Variants in MLNR observed in about 807,000 individuals in gnomAD.
MLNR encodes motilin receptor.
A neutral mutation model predicts 20.0 loss-of-function variants in MLNR; 16 were observed. That is an observed-to-expected ratio of 0.80 (90% CI 0.54 to 1.22). The LOEUF is 1.22. MLNR is among the 50% of genes most tolerant of loss of function. The probability of loss-of-function intolerance (pLI) is 0.00; values close to 1 mark genes in which losing one functional copy is unlikely to be tolerated. For missense variants in MLNR, 630 were observed against 592.3 expected (o/e 1.06, Z -0.66); for synonymous variants, 302 against 287.2 (o/e 1.05, Z -0.52).
At position 49,221,229 on chromosome 13, in the gene MLNR, C is replaced by T; in HGVS notation, c.892C>T (p.Arg298Cys). 1 of 1,575,080 alleles carries T rather than the reference C, an allele frequency of 6.3e-7. No individual in the cohort carries two copies. The highest frequency in any genetic ancestry group is 8.6e-7 in the Non-Finnish European group (1 of 1,168,900). Residue 298 changes from arginine to cysteine, a missense_variant, in exon 1 of 2, where the codon CGC becomes TGC. Transcript: ENST00000218721. ...GGAGAGAGGCCACCGGCAGACCGTC[C>T]GCGTCCTGCGTAAGTGGAGCCGCCG... is the stretch of plus-strand genomic sequence containing the variant. ...GRERGHRQTVRVLLVVVLAFI... is the reference protein window; with the variant it reads ...GRERGHRQTVCVLLVVVLAFI...
At position 49,220,475 on chromosome 13, in the gene MLNR, G is replaced by A. The variant is rs1361682129; in HGVS notation, c.138G>A (p.Leu46=). The A allele has an allele frequency of 6.3e-7, 1 of 1,582,282 alleles. No homozygotes were observed. The part of the protein sequence containing the change: ...GALVPVTAVC[L]CLFVVGVSGN... The stretch of plus-strand genomic sequence containing the variant: ...TGGTGCCGGTGACCGCTGTGTGCCT[G>A]TGCCTGTTCGTCGTCGGGGTGAGCG... The change falls in exon 1 of 2, where the codon CTG becomes CTA. Residue 46 remains leucine, a synonymous_variant. Transcript: ENST00000218721. The surrounding 1 kb of genome is among the most constrained non-coding windows in gnomAD (Gnocchi z 4.4).
In MLNR at chr13:49,220,888, G is replaced by A; in HGVS notation, c.551G>A (p.Gly184Asp). ...LFLVGVEQDP[G>D]ISVVPGLNGT... ...CTGGTGGGCGTCGAGCAGGACCCCG[G>A]CATCTCCGTAGTCCCGGGCCTCAAT... The change falls in exon 1 of 2, where the codon GGC becomes GAC. Residue 184 changes from glycine to aspartate, a missense_variant. Transcript: ENST00000218721. The surrounding 1 kb of genome is among the most constrained non-coding windows in gnomAD (Gnocchi z 4.4). 1 of 1,566,068 alleles carries A rather than the reference G, an allele frequency of 6.4e-7. No homozygotes were observed. The highest frequency in any genetic ancestry group is 8.6e-7 in the Non-Finnish European group (1 of 1,158,108).
rs748172685 is a variant in MLNR, at chr13:49,220,934, C to G, written c.597C>G (p.Ser199=). Residue 199 remains serine (S), a synonymous_variant, in exon 1 of 2, where the codon TCC becomes TCG. Coordinates refer to ENST00000218721, the MANE Select transcript of MLNR (RefSeq NM_001507.1). The surrounding 1 kb of genome is among the most constrained non-coding windows in gnomAD (Gnocchi z 4.4). ...PGLNGTARIA[S]SPLASSPPLW... is the part of the protein sequence containing the mutation. The stretch of plus-strand genomic sequence containing the variant: ...TCAATGGCACCGCGCGGATCGCCTC[C>G]TCGCCTCTCGCCTCGTCGCCGCCTC... 4 of 1,519,378 alleles carry G rather than the reference C, an allele frequency of 2.6e-6. No individual in the cohort carries two copies. Among genetic ancestry groups the G allele is most frequent in the African/African-American group, 3.0e-5 (2 of 67,130 alleles). The allele number at this position is 1,519,378 out of a possible 1,614,324, so 94.1% of individuals were successfully genotyped here.
In MLNR at chr13:49,220,482, T is replaced by A; in HGVS notation, c.145T>A (p.Phe49Ile). The A allele has an allele frequency of 1.9e-6, 3 of 1,587,830 alleles. No individual in the cohort carries two copies. Among genetic ancestry groups the A allele is most frequent in the Non-Finnish European group, 2.6e-6 (3 of 1,168,390 alleles). ...VPVTAVCLCLFVVGVSGNVVT... is the reference protein window; with the variant it reads ...VPVTAVCLCLIVVGVSGNVVT... ...GGTGACCGCTGTGTGCCTGTGCCTGTTCGTCGTCGGGGTGAGCGGCAACGT... is the reference window on the plus strand; with the variant it reads ...GGTGACCGCTGTGTGCCTGTGCCTGATCGTCGTCGGGGTGAGCGGCAACGT... The change falls in exon 1 of 2, where the codon TTC becomes ATC. Residue 49 changes from phenylalanine to isoleucine, a missense_variant. Coordinates refer to ENST00000218721, the MANE Select transcript of MLNR (RefSeq NM_001507.1). This position sits in a 1 kb window ranked among gnomAD's most constrained non-coding sequence, Gnocchi z 4.4.
chr13:49,221,797 G>T (rs943880046), intron 1 of MLNR, among the ~76,000 whole-genome samples: 2 of 152,222 alleles, frequency 1.3e-5, no homozygotes, highest in African/African-American at 4.8e-5. Context: ...CAGAGAAATT[G>T]CTCCTTCTGG....
intron 1 of MLNR, chr13:49,221,447 C>T: frequency 1.7e-6 from 1 of 578,638 alleles, no homozygotes. Flanking sequence ...TGGGGGACCC[C>T]AGGGCGCTTT....
In MLNR at chr13:49,222,256, G is replaced by A; in HGVS notation, c.1118G>A (p.Arg373Lys). 7 of 1,614,052 alleles carry A rather than the reference G, an allele frequency of 4.3e-6. No homozygotes were observed. The highest frequency in any genetic ancestry group is 5.9e-6 in the Non-Finnish European group (7 of 1,180,028). The change falls in exon 2 of 2, where the codon AGG becomes AAG. Residue 373 changes from arginine (R) to lysine (K), a missense_variant. Transcript: ENST00000218721. ...GCGGCCTTTAAACTGCTGCTCGCAA[G>A]GAAGTCCAGGCCGAGAGGCTTCCAC... ...RAAAFKLLLA[R>K]KSRPRGFHRS...
In MLNR at chr13:49,220,456, C is replaced by G. The variant is rs1448199290; in HGVS notation, c.119C>G (p.Pro40Arg). The G allele has an allele frequency of 3.8e-6, 6 of 1,561,718 alleles. No individual in the cohort carries two copies. The highest frequency in any genetic ancestry group is 1.2e-5 in the South Asian group (1 of 85,534). ...CCCTTTCCCCTGGGGGCGCTGGTGCCGGTGACCGCTGTGTGCCTGTGCCTG... is the reference window on the plus strand; with the variant it reads ...CCCTTTCCCCTGGGGGCGCTGGTGCGGGTGACCGCTGTGTGCCTGTGCCTG... ...CSPFPLGALV[P>R]VTAVCLCLFV... is the part of the protein sequence containing the mutation. Residue 40 changes from proline to arginine, a missense_variant, in exon 1 of 2, where the codon CCG (proline) becomes CGG (arginine). Pro to Arg is a moderately radical substitution (Grantham distance 103, BLOSUM62 -2). Transcript: ENST00000218721. The surrounding 1 kb of genome is among the most constrained non-coding windows in gnomAD (Gnocchi z 4.4).
chr13:49,220,436 T>TC lies in MLNR; in HGVS notation c.103dup (p.Leu35ProfsTer303). Reference sequence around the variant, plus strand: ...GCGACGAGCGCCGCTGCTCGCCCTTTCCCCTGGGGGCGCTGGTGCCGGTGA... The same window carrying TC: ...GCGACGAGCGCCGCTGCTCGCCCTTTCCCCCTGGGGGCGCTGGTGCCGGTGA... On this transcript the variant is annotated frameshift_variant, in exon 1 of 2. Coordinates refer to ENST00000218721, the MANE Select transcript of MLNR (RefSeq NM_001507.1). LOFTEE classifies it high-confidence loss of function. This position sits in a 1 kb window ranked among gnomAD's most constrained non-coding sequence, Gnocchi z 4.4. 1 of 1,544,854 alleles carries TC rather than the reference T, an allele frequency of 6.5e-7. No individual in the cohort carries two copies. The highest frequency in any genetic ancestry group is 8.7e-7 in the Non-Finnish European group (1 of 1,149,646).
Position 49,220,955 on chromosome 13 carries a change from G to A in MLNR, c.618G>A (p.Pro206=). 2 of 1,505,666 alleles carry A rather than the reference G, an allele frequency of 1.3e-6. No homozygotes were observed. Among genetic ancestry groups the A allele is most frequent in the South Asian group, 1.3e-5 (1 of 79,972 alleles). The allele number at this position is 1,505,666 out of a possible 1,614,324, so 93.3% of individuals were successfully genotyped here. ...RIASSPLASS[P]PLWLSRAPPP... is the part of the protein sequence containing the mutation. ...CCTCCTCGCCTCTCGCCTCGTCGCC[G>A]CCTCTCTGGCTCTCGCGGGCGCCAC... The change falls in exon 1 of 2, where the codon CCG becomes CCA. Residue 206 remains proline (P), a synonymous_variant. Transcript: ENST00000218721. This position sits in a 1 kb window ranked among gnomAD's most constrained non-coding sequence, Gnocchi z 4.4.
In MLNR at chr13:49,221,161, G is replaced by A. The variant is rs1271634946; in HGVS notation, c.824G>A (p.Trp275Ter). ...TACGGGCTCATCGGGCGGGAGCTGT[G>A]GAGCAGCCGGCGGCCGCTGCGAGGC... ...ILYGLIGREL[W>*]SSRRPLRGPA... Residue 275 changes from tryptophan (W) to a stop codon, truncating the protein, a stop_gained, in exon 1 of 2, where the codon TGG (tryptophan) becomes TAG (stop). Coordinates refer to ENST00000218721, the MANE Select transcript of MLNR (RefSeq NM_001507.1). LOFTEE classifies it high-confidence loss of function. The A allele has an allele frequency of 1.3e-6, 2 of 1,589,326 alleles. No individual in the cohort carries two copies. The highest frequency in any genetic ancestry group is 1.7e-6 in the Non-Finnish European group (2 of 1,176,344).
In MLNR at chr13:49,221,011, C is replaced by A. The variant is rs1282481414; in HGVS notation, c.674C>A (p.Ala225Glu). 10 of 1,533,088 alleles carry A rather than the reference C, an allele frequency of 6.5e-6. No homozygotes were observed. The South Asian group carries it at 1.2e-4, about 19-fold the overall frequency. 95.0% of individuals were successfully genotyped at this position (1,533,088 alleles called of 1,614,324 possible). A position where few individuals can be genotyped will look rare whatever the true frequency, so the allele number is the denominator to read the frequency against. Reference protein sequence around the residue: ...PPSPPSGPETAEAAALFSREC... With the variant: ...PPSPPSGPETEEAAALFSREC... ...TCCCCGCCGTCGGGGCCCGAGACCG[C>A]GGAGGCCGCGGCGCTGTTCAGCCGC... is the stretch of plus-strand genomic sequence containing the variant. The change falls in exon 1 of 2, where the codon GCG becomes GAG. Residue 225 changes from alanine to glutamate, a missense_variant. Physicochemically the swap from Ala to Glu is moderately radical, Grantham distance 107. Transcript: ENST00000218721.
chr13:49,222,318 A>G lies in MLNR; in HGVS notation c.1180A>G (p.Thr394Ala). 1 of 1,613,898 alleles carries G rather than the reference A, an allele frequency of 6.2e-7. No individual in the cohort carries two copies. Among genetic ancestry groups the G allele is most frequent in the Non-Finnish European group, 8.5e-7 (1 of 1,179,988 alleles). The change falls in exon 2 of 2, where the codon ACT (threonine) becomes GCT (alanine). Residue 394 changes from threonine (T) to alanine (A), a missense_variant. Transcript: ENST00000218721. ...RDTAGEVAGDTGGDTVGYTET... is the reference protein window; with the variant it reads ...RDTAGEVAGDAGGDTVGYTET... ...CACTGCGGGGGAAGTTGCAGGGGAC[A>G]CTGGAGGAGACACGGTGGGCTACAC...
chr13:49,220,539 G>C lies in MLNR; in HGVS notation c.202G>C (p.Asp68His), dbSNP rs1337017695. The change falls in exon 1 of 2, where the codon GAC (aspartate) becomes CAC (histidine). Residue 68 changes from aspartate (D) to histidine (H), a missense_variant. By Grantham distance (81) the Asp-to-His change is moderately conservative. Transcript: ENST00000218721. The surrounding 1 kb of genome is among the most constrained non-coding windows in gnomAD (Gnocchi z 4.4). ...CGTGATGCTGATCGGGCGCTACCGG[G>C]ACATGCGGACCACCACCAACTTGTA... is the stretch of plus-strand genomic sequence containing the variant. ...VTVMLIGRYR[D>H]MRTTTNLYLG... The C allele has an allele frequency of 1.9e-6, 3 of 1,611,816 alleles. No individual in the cohort carries two copies. The highest frequency in any genetic ancestry group is 1.7e-5 in the Admixed American group (1 of 59,878).
chr13:49,221,942 G>T lies in MLNR; in HGVS notation c.902-98G>T, dbSNP rs900889250. 4 of 1,083,694 alleles carry T rather than the reference G, an allele frequency of 3.7e-6. No homozygotes were observed. The Admixed American group carries it at 7.1e-5, about 19-fold the overall frequency. 67.1% of individuals were successfully genotyped at this position (1,083,694 alleles called of 1,614,324 possible). Reference sequence around the variant, plus strand: ...GTAGAAGTTTTCTCTAATTTATTTTGCTGTTACTTGTTATTGCAGATGGTT... The same window carrying T: ...GTAGAAGTTTTCTCTAATTTATTTTTCTGTTACTTGTTATTGCAGATGGTT... On this transcript the variant is annotated intron_variant, in intron 1 of 1. Transcript: ENST00000218721.
rs892505258 is a variant in MLNR, at chr13:49,221,253, C to T, written c.901+15C>T. On this transcript the variant is annotated intron_variant, in intron 1 of 1. Coordinates refer to ENST00000218721, the MANE Select transcript of MLNR (RefSeq NM_001507.1). ...CCGCGTCCTGCGTAAGTGGAGCCGCCGTGGTTCCAAAGACGCCTGCCTGCA... is the reference window on the plus strand; with the variant it reads ...CCGCGTCCTGCGTAAGTGGAGCCGCTGTGGTTCCAAAGACGCCTGCCTGCA... The T allele has an allele frequency of 5.1e-6, 8 of 1,555,088 alleles. No individual in the cohort carries two copies. Among genetic ancestry groups the T allele is most frequent in the Admixed American group, 3.8e-5 (2 of 52,844 alleles).
intron 1 of MLNR, among the ~76,000 whole-genome samples, chr13:49,221,824 A>C (rs1445415549): frequency 6.6e-6 from 1 of 152,248 alleles, no homozygotes; most frequent in African/African-American, 2.4e-5. Flanking sequence ...TCCAGCCTTG[A>C]TAACACATAT....
At chr13:49,221,855 TA>T (rs1432375525) in intron 1 of MLNR, among the ~76,000 whole-genome samples, 184 bp from the exon 2 acceptor site, 2 of 152,350 alleles carry the variant, frequency 1.3e-5, no homozygotes, top group East Asian at 3.9e-4. Flanking sequence ...TATGCAGTTT[TA>T]AAGCAAGTAT....
In MLNR at chr13:49,221,061, C is replaced by A. The variant is rs1482331506; in HGVS notation, c.724C>A (p.Leu242Met). The A allele has an allele frequency of 6.3e-7, 1 of 1,577,276 alleles. No homozygotes were observed. Among genetic ancestry groups the A allele is most frequent in the Middle Eastern group, 1.8e-4 (1 of 5,486 alleles). ...SRECRPSPAQ[L>M]GALRVMLWVT... ...CGAATGCCGGCCGAGCCCCGCGCAG[C>A]TGGGCGCGCTGCGTGTCATGCTGTG... The change falls in exon 1 of 2, where the codon CTG (leucine) becomes ATG (methionine). Residue 242 changes from leucine (L) to methionine (M), a missense_variant. Leu to Met is a conservative substitution (Grantham distance 15). Transcript: ENST00000218721.
Sources: gnomAD v4.1 joint callset for allele counts (sites outside exome capture counted in the v4.1 genomes callset) on GRCh38, gnomAD v4.1.1 for gene constraint, Gnocchi (gnomAD v3.1) non-coding constraint, MANE v1.5 for transcripts, NCBI Gene and HGNC (gene_info 2026-07-23, HGNC 2026-07-21) for gene names.